The following TDRD12 variants were observed in gnomAD, a reference collection of about 807,000 sequenced individuals.
TDRD12 encodes putative ATP-dependent RNA helicase TDRD12.
TDRD12 carries 158 observed loss-of-function variants against 133.5 expected under a neutral mutation model. That is an observed-to-expected ratio of 1.18 (90% CI 1.04 to 1.35). The LOEUF is 1.35. TDRD12 is among the 40% of genes most tolerant of loss of function. The pLI is 0.00. For synonymous variants in TDRD12, 460 were observed against 477.9 expected (o/e 0.96, Z 0.49); for missense variants, 1,443 against 1,321.3 (o/e 1.09, Z -1.43).
At chr19:32,823,672 C>T (rs986897583), downstream of TDRD12, among the ~76,000 whole-genome samples, 2 of 152,140 alleles carry the variant, frequency 1.3e-5, no homozygotes, top group African/African-American at 4.8e-5. Flanking sequence ...CAGCTGGTTT[C>T]GCTGTGTGGG....
chr19:32,743,206 C>A (rs908773377), intron 4 of TDRD12, among the ~76,000 whole-genome samples: 4 of 152,256 alleles, frequency 2.6e-5, no homozygotes, highest in African/African-American at 9.6e-5. Context: ...CACGCGCGCA[C>A]GGTCTCACCC....
At chr19:32,759,418 T>A (rs1002625549) in intron 8 of TDRD12, among the ~76,000 whole-genome samples, 1 of 152,006 alleles carries the variant, frequency 6.6e-6, no homozygotes, top group Non-Finnish European at 1.5e-5. Context: ...CTGGGAATTT[T>A]TTTTTTTTTT....
At chr19:32,811,517 C>T (rs1015379145) in intron 24 of TDRD12, 97 bp downstream of exon 24, 6 of 1,206,156 alleles carry the variant, frequency 5.0e-6, no homozygotes, top group African/African-American at 3.0e-5. Flanking sequence ...TACAGTGTCA[C>T]GTTTGGGCAG....
chr19:32,738,841 CTG>C lies in TDRD12; in HGVS notation c.184-13_184-12del. On this transcript the variant is annotated splice_polypyrimidine_tract_variant and intron_variant, in intron 2 of 27. Coordinates refer to ENST00000444215, the Ensembl canonical transcript of TDRD12. Reference sequence around the variant, plus strand: ...AAAATAAATAAATAAAAATAACTCTCTGTTTATTTTGCAGGTGTGTGTGGTCT... The same window carrying C: ...AAAATAAATAAATAAAAATAACTCTCTTTATTTTGCAGGTGTGTGTGGTCT... 4 of 1,545,252 alleles carry C rather than the reference CTG, an allele frequency of 2.6e-6. No homozygotes were observed. The highest frequency in any genetic ancestry group is 3.5e-6 in the Non-Finnish European group (4 of 1,145,322).
intron 25 of TDRD12, among the ~76,000 whole-genome samples, chr19:32,815,116 G>A (rs887916257): frequency 2.0e-5 from 3 of 152,148 alleles, no homozygotes; most frequent in Non-Finnish European, 4.4e-5. Context: ...GAAGGAATGA[G>A]AAAGATGTAC....
exon 8 of TDRD12, chr19:32,826,327 G>A: frequency 7.3e-7 from 1 of 1,377,154 alleles, no homozygotes. Flanking sequence ...GACTACAAGT[G>A]TCAGTATTTA....
At chr19:32,727,356 C>CTGGGTAT (rs1286286717) in intron 1 of TDRD12, among the ~76,000 whole-genome samples, 1 of 152,146 alleles carries the variant, frequency 6.6e-6, no homozygotes, top group Non-Finnish European at 1.5e-5. Context: ...TCTGTATATT[C>CTGGGTAT]TGGGTATTAA....
rs564470700 is a variant in TDRD12, at chr19:32,810,002, T to G, written c.2653-91T>G. ...GTTGCTAAGCTTTGGTTTCTTAGGT[T>G]GGGTACTGATTTCTGCAGATACAGG... On this transcript the variant is annotated intron_variant, in intron 22 of 27. Coordinates refer to ENST00000444215, the Ensembl canonical transcript of TDRD12. The G allele has an allele frequency of 3.9e-3, 3,180 of 805,496 alleles. 13 individuals are homozygous for G. Among genetic ancestry groups the G allele is most frequent in the Middle Eastern group, 9.8e-3 (25 of 2,542 alleles). 49.9% of individuals were successfully genotyped at this position (805,496 alleles called of 1,614,324 possible).
At chr19:32,759,948 G>T (rs189549378) in intron 8 of TDRD12, among the ~76,000 whole-genome samples, 1 of 152,250 alleles carries the variant, frequency 6.6e-6, no homozygotes, top group Non-Finnish European at 1.5e-5. Flanking sequence ...CAGCCTCAGC[G>T]CATGTGGCCC....
At chr19:32,748,522 C>T in exon 5 of TDRD12, 1 of 1,551,280 alleles carries the variant, frequency 6.4e-7, no homozygotes, top group Non-Finnish European at 8.7e-7. Flanking sequence ...CTTTCAGAAC[C>T]TTCTGAAAGG....
chr19:32,720,041 A>AG, exon 1 of TDRD12: 1 of 1,547,304 alleles, frequency 6.5e-7, no homozygotes, highest in Non-Finnish European at 8.7e-7. Flanking sequence ...TTCCAGGGCG[A>AG]GGGGGCCCAT....
chr19:32,821,395 T>C (rs1233016840), downstream of TDRD12: 54 of 409,786 alleles, frequency 1.3e-4, no homozygotes, highest in South Asian at 1.5e-3. Context: ...TGTGTGTGTG[T>C]GTGTGTGTGT....
intron 1 of TDRD12, among the ~76,000 whole-genome samples, chr19:32,728,599 T>G (rs1968931833): frequency 6.6e-6 from 1 of 152,004 alleles, no homozygotes; most frequent in Non-Finnish European, 1.5e-5. Flanking sequence ...ACTGGGACCT[T>G]TAGTACAATG....
intron 8 of TDRD12, among the ~76,000 whole-genome samples, chr19:32,765,786 G>A (rs1227173370): frequency 2.6e-5 from 4 of 151,634 alleles, no homozygotes; most frequent in Non-Finnish European, 5.9e-5. Flanking sequence ...TATACCTAAT[G>A]TTAAATGACA....
At chr19:32,719,975 C>T in exon 1 of TDRD12, 6 of 1,437,012 alleles carry the variant, frequency 4.2e-6, no homozygotes, top group Non-Finnish European at 4.7e-6. Flanking sequence ...AACGCACTCG[C>T]GGCGGGGGCC....
Position 32,780,445 on chromosome 19 carries a change from G to C in TDRD12, c.1121+3216G>C, listed in dbSNP as rs80203939. On this transcript the variant is annotated intron_variant, in intron 11 of 27. Coordinates refer to ENST00000444215, the Ensembl canonical transcript of TDRD12. ...TGTCAGAGTCTGAACAGCAATGCAT[G>C]TCGAAGCCTGGACTGAAATGCCCTT... Among the ~76,000 whole-genome samples the C allele has an allele frequency of 2.0e-3, 304 of 152,318 alleles. 1 individual carries two copies. Among genetic ancestry groups the C allele is most frequent in the African/African-American group, 6.9e-3 (285 of 41,582 alleles).
intron 17 of TDRD12, 112 bp downstream of exon 17, chr19:32,800,470 T>C: frequency 9.9e-7 from 1 of 1,014,256 alleles, no homozygotes; most frequent in Non-Finnish European, 1.4e-6. Flanking sequence ...ATTAAACAAT[T>C]ACAGCTTTGA....
At chr19:32,745,606 GATT>G (rs961727964) in intron 4 of TDRD12, among the ~76,000 whole-genome samples, 5 of 152,282 alleles carry the variant, frequency 3.3e-5, no homozygotes, top group African/African-American at 1.2e-4. Context: ...GTATTCATGT[GATT>G]ATTGTGTATG....
chr19:32,818,715 C>A (rs150160090), intron 27 of TDRD12, among the ~76,000 whole-genome samples: 1,528 of 152,202 alleles, frequency 0.01, 8 homozygotes, highest in Middle Eastern at 0.017. Context: ...GGTGCCTCCA[C>A]TGGGGAGCAT....
Sources: allele counts gnomAD v4.1 joint callset (sites outside exome capture counted in the v4.1 genomes callset), GRCh38; gene constraint gnomAD v4.1.1; transcripts MANE v1.5; gene names NCBI Gene and HGNC (gene_info 2026-07-23, HGNC 2026-07-21).